Variants in NAALADL2 observed in about 807,000 individuals in gnomAD.
NAALADL2 encodes the protein inactive N-acetylated-alpha-linked acidic dipeptidase-like protein 2.
In NAALADL2, 76 loss-of-function variants were observed where a neutral mutation model predicts 87.2. The ratio of observed to expected loss-of-function variants is 0.87; its 90% CI spans 0.72 to 1.05. NAALADL2 has a LOEUF of 1.05. NAALADL2 is among the 50% of genes least tolerant of loss of function. The probability of loss-of-function intolerance (pLI) is 0.00; values close to 1 mark genes in which losing one functional copy is unlikely to be tolerated. For missense variants in NAALADL2, 1,089 were observed against 945.8 expected, an observed-to-expected ratio of 1.15 and a Z score of -1.99; for synonymous variants, 354 against 331.0, an observed-to-expected ratio of 1.07 and a Z score of -0.75.
At chr3:175,036,431 G>A (rs576010061) in intron 1 of NAALADL2, among the ~76,000 whole-genome samples, 19 of 148,854 alleles carry the variant, frequency 1.3e-4, no homozygotes, top group Non-Finnish European at 2.2e-4. Context: ...ACAGAGTCTC[G>A]CTCTGTCACC....
chr3:174,989,776 T>G (rs944715662), intron 1 of NAALADL2, among the ~76,000 whole-genome samples: 1 of 152,154 alleles, frequency 6.6e-6, no homozygotes, highest in East Asian at 1.9e-4. Context: ...TAATATGTAT[T>G]TTATAAGATC....
intron 1 of NAALADL2, among the ~76,000 whole-genome samples, chr3:174,485,661 G>A (rs1489445389): frequency 6.6e-6 from 1 of 151,880 alleles, no homozygotes; most frequent in South Asian, 2.1e-4. Context: ...GCATTTCATG[G>A]TGTATATATA....
intron 2 of NAALADL2, among the ~76,000 whole-genome samples, chr3:174,558,667 G>A (rs1713172752): frequency 6.6e-6 from 1 of 152,054 alleles, no homozygotes; most frequent in Non-Finnish European, 1.5e-5. Context: ...CGATGGGGAG[G>A]GGCTGTAAAT....
At chr3:174,499,251 A>G (rs958837093) in intron 1 of NAALADL2, among the ~76,000 whole-genome samples, 3 of 152,004 alleles carry the variant, frequency 2.0e-5, no homozygotes, top group Admixed American at 6.6e-5. Flanking sequence ...CAGATTTTCA[A>G]TTGGGTTTTT....
At chr3:175,273,731 T>TGC (rs76732507) in intron 4 of NAALADL2, among the ~76,000 whole-genome samples, 4 of 141,776 alleles carry the variant, frequency 2.8e-5, no homozygotes, top group African/African-American at 8.0e-5. Context: ...TGTGTGTGTG[T>TGC]GCGTGTGTGT....
chr3:175,090,635 A>C (rs1719920393), intron 1 of NAALADL2, among the ~76,000 whole-genome samples: 1 of 151,468 alleles, frequency 6.6e-6, no homozygotes, highest in Non-Finnish European at 1.5e-5. Flanking sequence ...GACATTCTAT[A>C]AGCATACCTT....
chr3:175,215,174 G>A lies in NAALADL2; in HGVS notation c.546-18757G>A, dbSNP rs912657864. Among the ~76,000 whole-genome samples, 10 of 151,926 alleles carry A rather than the reference G, an allele frequency of 6.6e-5. No homozygotes were observed. The East Asian group carries it at 7.7e-4, about 12-fold the overall frequency. On this transcript the variant is annotated intron_variant, in intron 2 of 13. Coordinates refer to ENST00000454872, the MANE Select transcript of NAALADL2 (RefSeq NM_207015.3). ...AGTTAACTCAATCTTCCTGAACCTC[G>A]GTTTTCTCATCTTTAATGTTCTGAT... is the stretch of plus-strand genomic sequence containing the variant.
intron 4 of NAALADL2, among the ~76,000 whole-genome samples, chr3:175,267,230 A>T (rs1325066057): frequency 2.0e-5 from 3 of 152,022 alleles, no homozygotes; most frequent in Non-Finnish European, 2.9e-5. Context: ...TTTTAAGAAA[A>T]TCTTATTATG....
At chr3:175,305,250 ATGTGTG>A (rs66513736) in intron 4 of NAALADL2, among the ~76,000 whole-genome samples, 23 of 148,718 alleles carry the variant, frequency 1.5e-4, no homozygotes, top group Middle Eastern at 3.5e-3. Context: ...GTGTTTGTGT[ATGTGTG>A]TGTGTGTGTG....
At chr3:174,642,734 T>C (rs1040949678) in intron 2 of NAALADL2, among the ~76,000 whole-genome samples, 13 of 141,646 alleles carry the variant, frequency 9.2e-5, no homozygotes, top group Admixed American at 2.1e-4. Context: ...GTAATATCAG[T>C]GCCATGAAAA....
At chr3:174,474,887 C>T (rs142664741) in intron 1 of NAALADL2, among the ~76,000 whole-genome samples, 1 of 152,028 alleles carries the variant, frequency 6.6e-6, no homozygotes, top group Non-Finnish European at 1.5e-5. Context: ...CATATTGGTG[C>T]AACACAGAGT....
At chr3:175,099,404 T>C (rs971052552) in intron 2 of NAALADL2, among the ~76,000 whole-genome samples, 4 of 152,196 alleles carry the variant, frequency 2.6e-5, no homozygotes, top group Admixed American at 2.6e-4. Context: ...TATGGGTCCA[T>C]GAAGTAGCCA....
chr3:174,740,953 T>C (rs1049110387), intron 3 of NAALADL2, among the ~76,000 whole-genome samples: 2 of 151,790 alleles, frequency 1.3e-5, no homozygotes, highest in African/African-American at 4.8e-5. Context: ...TATCTCAGAA[T>C]GTACTGTTTG....
intron 1 of NAALADL2, among the ~76,000 whole-genome samples, chr3:175,086,238 A>T (rs1213974466): frequency 6.6e-6 from 1 of 152,198 alleles, no homozygotes; most frequent in Non-Finnish European, 1.5e-5. Context: ...ATCATTCTCA[A>T]CACATAGGAA....
At chr3:175,308,321 G>A (rs761267599) in intron 4 of NAALADL2, among the ~76,000 whole-genome samples, 3 of 152,006 alleles carry the variant, frequency 2.0e-5, no homozygotes, top group African/African-American at 4.8e-5. Context: ...AGAGCTGTAC[G>A]TCTAAGTATC....
rs1483512370 is a variant in NAALADL2 at position 174,964,721 on chromosome 3, C to T, written c.43+105271C>T. On this transcript the variant is annotated intron_variant, in intron 1 of 13. Transcript: ENST00000454872. ...TTTACAAGATGGCAGTCCTCAGTGG[C>T]TCATATATTCCTCCTGCTGCTTGTA... Among the ~76,000 whole-genome samples the T allele has an allele frequency of 5.3e-5, 8 of 152,044 alleles. No homozygotes were observed. The East Asian group carries it at 1.6e-3, about 30-fold the overall frequency.
upstream of NAALADL2, among the ~76,000 whole-genome samples, chr3:174,858,322 G>A (rs16865166): frequency 0.019 from 2,888 of 151,840 alleles, 103 homozygotes; most frequent in African/African-American, 0.065. Context: ...CCTTATGGGG[G>A]ACAAAGCTTA....
intron 2 of NAALADL2, among the ~76,000 whole-genome samples, chr3:174,611,023 G>A (rs987147433): frequency 2.6e-5 from 4 of 152,068 alleles, no homozygotes; most frequent in African/African-American, 9.7e-5. Flanking sequence ...TAGGGACATG[G>A]ATGAAATTGG....
chr3:175,264,287 A>G (rs980880185), intron 4 of NAALADL2, among the ~76,000 whole-genome samples: 5 of 151,880 alleles, frequency 3.3e-5, no homozygotes, highest in Admixed American at 1.3e-4. Context: ...AATACTCTCA[A>G]TTCATAAGGT....
Sources: allele counts gnomAD v4.1 joint callset (sites outside exome capture counted in the v4.1 genomes callset), GRCh38; gene constraint gnomAD v4.1.1; transcripts MANE v1.5; gene names NCBI Gene and HGNC (gene_info 2026-07-23, HGNC 2026-07-21).